The following NMD3 variants were observed in gnomAD, a reference collection of about 807,000 sequenced individuals.
The protein encoded by NMD3 is NMD3 ribosome export adaptor.
NMD3 carries 47 observed loss-of-function variants against 73.1 expected under a neutral mutation model. That is an observed-to-expected ratio of 0.64 (90% CI 0.51 to 0.82). NMD3 has a LOEUF of 0.82. Ranked by LOEUF, NMD3 falls within the 40% of genes least tolerant of loss-of-function variation. The pLI, the probability that NMD3 is intolerant of heterozygous loss-of-function variation, is 0.00. For synonymous variants in NMD3, 210 were observed against 194.5 expected, an observed-to-expected ratio of 1.08 and a Z score of -0.66; for missense variants, 554 against 612.5, an observed-to-expected ratio of 0.90 and a Z score of 1.01.
chr3:161,251,459 T>C lies in NMD3; in HGVS notation c.*549T>C, dbSNP rs1221037656. ...CAAGTCAATCTTTTTTATTTCCTTA[T>C]AAAATTAACTCTTCAAAAGCCGTTA... On this transcript the variant is annotated 3_prime_UTR_variant, in exon 16 of 16. Transcript: ENST00000351193. The C allele has an allele frequency of 6.6e-6, 1 of 152,142 alleles. No individual in the cohort carries two copies. Among genetic ancestry groups the C allele is most frequent in the Non-Finnish European group, 1.5e-5 (1 of 68,014 alleles). The allele number at this position is 152,142 out of a possible 1,614,324, so 9.4% of individuals were successfully genotyped here. A position where few individuals can be genotyped will look rare whatever the true frequency, so the allele number is the denominator to read the frequency against.
At chr3:161,235,642 A>G (rs918057885) in intron 7 of NMD3, among the ~76,000 whole-genome samples, 6 of 152,152 alleles carry the variant, frequency 3.9e-5, no homozygotes, top group Non-Finnish European at 8.8e-5. Flanking sequence ...ATTAACCTCT[A>G]GAAGTTTTTT....
intron 1 of NMD3, chr3:161,221,772 G>A: frequency 2.7e-6 from 1 of 373,588 alleles, no homozygotes; most frequent in Non-Finnish European, 4.8e-6. Context: ...GGGTCTTGCA[G>A]CTGGGAAGCT....
At chr3:161,227,208 G>T in intron 3 of NMD3, 39 bp from the exon 4 acceptor site, 1 of 1,265,742 alleles carries the variant, frequency 7.9e-7, no homozygotes, top group Non-Finnish European at 1.1e-6. Context: ...TGTGTTTCCT[G>T]ACAGATGTTG....
Position 161,251,985 on chromosome 3 carries a change from A to G in NMD3, c.*1075A>G, listed in dbSNP as rs986311305. On this transcript the variant is annotated 3_prime_UTR_variant, in exon 16 of 16. Coordinates refer to ENST00000351193, the MANE Select transcript of NMD3 (RefSeq NM_015938.5). ...ATTCATTCATTCCATGTGTGCCACT[A>G]AATAAAGAGATTGAGCAAGTGCCAC... 5 of 152,230 alleles carry G rather than the reference A, an allele frequency of 3.3e-5. No individual in the cohort carries two copies. The highest frequency in any genetic ancestry group is 4.4e-5 in the Non-Finnish European group (3 of 68,044). The allele number at this position is 152,230 out of a possible 1,614,324, so 9.4% of individuals were successfully genotyped here. A position where few individuals can be genotyped will look rare whatever the true frequency, so the allele number is the denominator to read the frequency against.
intron 4 of NMD3, among the ~76,000 whole-genome samples, chr3:161,227,822 C>T (rs1274341601): frequency 2.0e-5 from 3 of 151,976 alleles, no homozygotes; most frequent in Non-Finnish European, 1.5e-5. Context: ...TATATATATT[C>T]TTTTTATGAA....
chr3:161,232,313 G>A (rs1736575049), intron 4 of NMD3, among the ~76,000 whole-genome samples: 1 of 152,054 alleles, frequency 6.6e-6, no homozygotes, highest in South Asian at 2.1e-4. Flanking sequence ...CACTAAAAGT[G>A]GCCAGTCTAC....
chr3:161,245,315 A>G (rs973206964), intron 11 of NMD3, among the ~76,000 whole-genome samples: 1 of 152,054 alleles, frequency 6.6e-6, no homozygotes, highest in Admixed American at 6.6e-5. Context: ...GTAGAGTATC[A>G]TTTCCCTTCA....
intron 2 of NMD3, among the ~76,000 whole-genome samples, chr3:161,224,351 C>T (rs1290823918): frequency 6.6e-6 from 1 of 152,186 alleles, no homozygotes; most frequent in Non-Finnish European, 1.5e-5. Flanking sequence ...TTCTGTTGGA[C>T]AGTACTGACC....
At chr3:161,237,406 C>T (rs1166065823) in intron 7 of NMD3, among the ~76,000 whole-genome samples, 1 of 151,990 alleles carries the variant, frequency 6.6e-6, no homozygotes, top group Non-Finnish European at 1.5e-5. Context: ...TCTAGTCCTT[C>T]ACAATGATTG....
intron 5 of NMD3, among the ~76,000 whole-genome samples, chr3:161,234,500 A>G (rs1306015280): frequency 6.6e-6 from 1 of 151,514 alleles, no homozygotes. Flanking sequence ...CTTCAGCTAA[A>G]GGAAAATTTG....
intron 2 of NMD3, 47 bp from the exon 3 acceptor site, chr3:161,224,883 G>A (rs984303956): frequency 7.2e-6 from 11 of 1,528,670 alleles, no homozygotes; most frequent in African/African-American, 1.4e-5. Context: ...AAAATTTAGT[G>A]TATTTTAAAA....
chr3:161,221,696 GC>G, intron 1 of NMD3: 1 of 219,050 alleles, frequency 4.6e-6, no homozygotes, highest in South Asian at 8.8e-5. Context: ...AGCTGACCTC[GC>G]CCTTGGTCGT....
At position 161,238,663 on chromosome 3, in the gene NMD3, A is replaced by G. The variant is rs1331677554; in HGVS notation, c.657-67A>G. ...TGATGGTTTGATTTAATGAAAATTGATATTCCTGAGTCCATACAGGTTAAT... is the reference window on the plus strand; with the variant it reads ...TGATGGTTTGATTTAATGAAAATTGGTATTCCTGAGTCCATACAGGTTAAT... On this transcript the variant is annotated intron_variant, in intron 8 of 15. Transcript: ENST00000351193. The G allele has an allele frequency of 5.3e-5, 41 of 780,558 alleles. 1 individual carries two copies. Among genetic ancestry groups the G allele is most frequent in the South Asian group, 2.3e-4 (15 of 66,152 alleles). 48.4% of individuals were successfully genotyped at this position (780,558 alleles called of 1,614,324 possible). A position where few individuals can be genotyped will look rare whatever the true frequency, so the allele number is the denominator to read the frequency against.
intron 9 of NMD3, 116 bp from the exon 10 acceptor site, chr3:161,240,930 A>G (rs549076374): frequency 8.8e-6 from 5 of 564,990 alleles, no homozygotes; most frequent in African/African-American, 3.8e-5. Flanking sequence ...GATTGATAGA[A>G]TTGAAAATAA....
downstream of NMD3, chr3:161,252,362 G>A (rs1421791206): frequency 1.3e-5 from 2 of 152,456 alleles, no homozygotes; most frequent in East Asian, 1.9e-4. Flanking sequence ...ATTTTCCAAA[G>A]TAGAATTGTT....
At chr3:161,225,462 G>A (rs73875455) in intron 3 of NMD3, among the ~76,000 whole-genome samples, 9,923 of 152,074 alleles carry the variant, frequency 0.065, 456 homozygotes, top group South Asian at 0.18. Flanking sequence ...TTAGTAATAT[G>A]TTTTAAAAAC....
intron 3 of NMD3, among the ~76,000 whole-genome samples, chr3:161,225,858 A>ATG (rs1172741361): frequency 2.6e-5 from 4 of 151,888 alleles, no homozygotes; most frequent in Admixed American, 1.3e-4. Context: ...AAAAATATAT[A>ATG]TGTGTGTGTG....
downstream of NMD3, chr3:161,253,406 G>A (rs1298387068): frequency 6.6e-6 from 1 of 152,120 alleles, no homozygotes; most frequent in Non-Finnish European, 1.5e-5. Flanking sequence ...CTTACAAAAT[G>A]TCGCAAGTAT....
chr3:161,230,764 G>A (rs1276329762), intron 4 of NMD3, among the ~76,000 whole-genome samples: 5 of 152,164 alleles, frequency 3.3e-5, no homozygotes. Context: ...TAATTCATCT[G>A]TGGTAACAGC....
Sources: allele counts gnomAD v4.1 joint callset (sites outside exome capture counted in the v4.1 genomes callset), GRCh38; gene constraint gnomAD v4.1.1; transcripts MANE v1.5; gene names NCBI Gene and HGNC (gene_info 2026-07-23, HGNC 2026-07-21).